Variants in FSTL5 observed in about 807,000 individuals in gnomAD.
The protein encoded by FSTL5 is follistatin-related protein 5.
A neutral mutation model predicts 89.1 loss-of-function variants in FSTL5; 62 were observed. The ratio of observed to expected loss-of-function variants is 0.70; its 90% CI spans 0.57 to 0.86. FSTL5 has a LOEUF of 0.86. Ranked by LOEUF, FSTL5 falls within the 40% of genes least tolerant of loss-of-function variation. The pLI is 0.00. For missense variants in FSTL5, 1,057 were observed against 1,001.6 expected, an observed-to-expected ratio of 1.06 and a Z score of -0.75; for synonymous variants, 383 against 346.2, an observed-to-expected ratio of 1.11 and a Z score of -1.18.
At position 161,504,053 on chromosome 4, in the gene FSTL5, T is replaced by C. The variant is rs559602063; in HGVS notation, c.1340-3919A>G. ...AGATGTAAGAATCCAGCATCTTCTA[T>C]TAAGCCTGAAAGCTAAAGGATTTGC... On this transcript the variant is annotated intron_variant, in intron 11 of 15. Coordinates refer to ENST00000306100, the MANE Select transcript of FSTL5 (RefSeq NM_020116.5). Among the ~76,000 whole-genome samples, 30 of 152,090 alleles carry C rather than the reference T, an allele frequency of 2.0e-4. No homozygotes were observed. In the South Asian group the frequency reaches 3.5e-3, roughly 18 times the overall value.
rs144952832 is a variant in FSTL5 at position 161,991,377 on chromosome 4, C to CTT, written c.160+42246_160+42247dup. 1.3e-4 allele frequency among the ~76,000 whole-genome samples: 20 copies of CTT among 151,466 alleles called. 1 individual carries two copies. The highest frequency in any genetic ancestry group is 9.2e-4 in the Admixed American group (14 of 15,190). ...ATTGCAGCATCAACTATTTTCTAGTCTTTTTTTTTCCTTTCACTCAGGTCA... is the reference window on the plus strand; with the variant it reads ...ATTGCAGCATCAACTATTTTCTAGTCTTTTTTTTTTTCCTTTCACTCAGGTCA... On this transcript the variant is annotated intron_variant, in intron 3 of 15. Transcript: ENST00000306100.
At chr4:161,733,479 C>T (rs771600679) in intron 6 of FSTL5, among the ~76,000 whole-genome samples, 8 of 151,918 alleles carry the variant, frequency 5.3e-5, no homozygotes, top group Non-Finnish European at 1.0e-4. Flanking sequence ...CTTTTCATGT[C>T]CCTTTCTATT....
At chr4:161,730,165 G>A (rs1270238506) in intron 6 of FSTL5, among the ~76,000 whole-genome samples, 1 of 152,024 alleles carries the variant, frequency 6.6e-6, no homozygotes, top group African/African-American at 2.4e-5. Flanking sequence ...ACTCTTCTCT[G>A]TGTGTATTTA....
At chr4:161,740,271 C>T (rs1171720594) in intron 6 of FSTL5, among the ~76,000 whole-genome samples, 2 of 152,040 alleles carry the variant, frequency 1.3e-5, no homozygotes, top group Non-Finnish European at 2.9e-5. Context: ...TCGCCCACCT[C>T]GGCCTCCCAA....
At chr4:161,533,682 CA>C (rs969174084) in intron 10 of FSTL5, among the ~76,000 whole-genome samples, 12 of 151,920 alleles carry the variant, frequency 7.9e-5, no homozygotes, top group African/African-American at 2.4e-4. Context: ...TGAAACTATT[CA>C]AAAAAATTGA....
At chr4:162,042,073 C>T (rs1053802945) in intron 2 of FSTL5, 1 of 151,864 alleles carries the variant, frequency 6.6e-6, no homozygotes, top group African/African-American at 2.4e-5. Flanking sequence ...TCACTTGAAC[C>T]CAGGACACGG....
At chr4:161,616,069 T>C (rs966613899) in intron 7 of FSTL5, among the ~76,000 whole-genome samples, 1 of 151,916 alleles carries the variant, frequency 6.6e-6, no homozygotes, top group East Asian at 1.9e-4. Flanking sequence ...TGAGTGTTTT[T>C]TTTTTCTTTT....
chr4:161,932,205 T>C (rs1216691017), intron 3 of FSTL5, among the ~76,000 whole-genome samples: 1 of 151,984 alleles, frequency 6.6e-6, no homozygotes. Context: ...TAATGTCACT[T>C]ACAGTAAAAT....
At chr4:162,102,186 T>C (rs192146642) in intron 2 of FSTL5, among the ~76,000 whole-genome samples, 6 of 152,180 alleles carry the variant, frequency 3.9e-5, no homozygotes, top group Admixed American at 3.9e-4. Flanking sequence ...TAAAAAGACT[T>C]TGGAAGTCCA....
chr4:161,686,319 TATATATATATATATATATA>T (rs1560789428), intron 6 of FSTL5, among the ~76,000 whole-genome samples: 1 of 4,520 alleles, frequency 2.2e-4, no homozygotes, highest in African/African-American at 7.6e-4. Flanking sequence ...TATATATATA[TATATATATATATATATATA>T]TATATATATT....
intron 3 of FSTL5, among the ~76,000 whole-genome samples, chr4:161,999,507 G>A (rs1736400539): frequency 1.3e-5 from 2 of 152,066 alleles, no homozygotes; most frequent in Non-Finnish European, 2.9e-5. Context: ...TTCGTGTAGA[G>A]TAAATCTCTT....
chr4:161,705,981 T>C (rs1305112421), intron 6 of FSTL5, among the ~76,000 whole-genome samples: 1 of 92,296 alleles, frequency 1.1e-5, no homozygotes, highest in Admixed American at 1.1e-4. Flanking sequence ...TATATATATA[T>C]ATATATATAT....
intron 12 of FSTL5, among the ~76,000 whole-genome samples, chr4:161,485,881 T>C (rs1217646926): frequency 2.6e-5 from 4 of 152,158 alleles, no homozygotes; most frequent in Non-Finnish European, 4.4e-5. Context: ...CTTACACCTG[T>C]AATCACAGCA....
chr4:161,476,173 G>GTTTTTTTTTTTTTTTT lies in FSTL5; in HGVS notation c.1608+4846_1608+4847insAAAAAAAAAAAAAAAA, dbSNP rs1231231673. Among the ~76,000 whole-genome samples, 208 of 80,460 alleles carry GTTTTTTTTTTTTTTTT rather than the reference G, an allele frequency of 2.6e-3. 5 individuals are homozygous for GTTTTTTTTTTTTTTTT. Among genetic ancestry groups the GTTTTTTTTTTTTTTTT allele is most frequent in the African/African-American group, 3.3e-3 (60 of 18,456 alleles). The allele number at this position is 80,460 out of a possible 152,430, so 52.8% of individuals were successfully genotyped here. The stretch of plus-strand genomic sequence containing the variant: ...TTCTTCTCCTTCTTCAAGTTTGCTG[G>GTTTTTTTTTTTTTTTT]TTTTTTTTTTTTTTTGTTTGTTTGT... On this transcript the variant is annotated intron_variant, in intron 13 of 15. Transcript: ENST00000306100.
chr4:161,777,465 T>C (rs151328400), intron 4 of FSTL5, among the ~76,000 whole-genome samples: 2 of 152,052 alleles, frequency 1.3e-5, no homozygotes, highest in African/African-American at 4.8e-5. Context: ...ACAAACACTA[T>C]GAAGAACAGT....
intron 6 of FSTL5, among the ~76,000 whole-genome samples, chr4:161,745,043 T>C (rs1740149790): frequency 6.6e-6 from 1 of 151,642 alleles, no homozygotes; most frequent in Admixed American, 6.6e-5. Flanking sequence ...AAAGAAATAC[T>C]TTCCTAAAAA....
intron 3 of FSTL5, among the ~76,000 whole-genome samples, chr4:161,992,698 GC>G (rs1269406114): frequency 6.6e-6 from 1 of 150,870 alleles, no homozygotes; most frequent in East Asian, 2.0e-4. Flanking sequence ...CAAAAAATTA[GC>G]TGGGAGTGGT....
chr4:161,394,278 T>C (rs1730925883), intron 15 of FSTL5, among the ~76,000 whole-genome samples: 1 of 152,170 alleles, frequency 6.6e-6, no homozygotes, highest in Non-Finnish European at 1.5e-5. Context: ...ACCCATTTTT[T>C]GTTTTGTTTT....
At chr4:161,773,595 C>T (rs1236695857) in intron 5 of FSTL5, among the ~76,000 whole-genome samples, 3 of 152,086 alleles carry the variant, frequency 2.0e-5, no homozygotes, top group African/African-American at 7.2e-5. Context: ...TGAAAAAATG[C>T]TCAACATCAC....
Sources: gnomAD v4.1 joint callset for allele counts (sites outside exome capture counted in the v4.1 genomes callset) on GRCh38, gnomAD v4.1.1 for gene constraint, MANE v1.5 for transcripts, NCBI Gene and HGNC (gene_info 2026-07-23, HGNC 2026-07-21) for gene names.